FBXL17: variants seen among roughly 807,000 people sequenced by gnomAD.
FBXL17 encodes the protein F-box and leucine rich repeat protein 17, also known as F-box/LRR-repeat protein 17.
In FBXL17, 22 loss-of-function variants were observed where a neutral mutation model predicts 66.2. The observed-to-expected ratio is 0.33, with a 90% CI of 0.24 to 0.47. The LOEUF (loss-of-function observed/expected upper bound fraction) is 0.47, where lower values mean the gene tolerates loss of function less well. Ranked by LOEUF, FBXL17 falls within the 20% of genes least tolerant of loss-of-function variation. The pLI is 1.00. For missense variants in FBXL17, 878 were observed against 948.2 expected, an observed-to-expected ratio of 0.93 and a Z score of 0.97; for synonymous variants, 474 against 400.5, an observed-to-expected ratio of 1.18 and a Z score of -2.19.
At chr5:107,931,581 T>C (rs993235408) in intron 7 of FBXL17, among the ~76,000 whole-genome samples, 5 of 152,078 alleles carry the variant, frequency 3.3e-5, no homozygotes, top group African/African-American at 1.2e-4. Flanking sequence ...GAGTGATTTA[T>C]ACAGGTATCT....
intron 4 of FBXL17, among the ~76,000 whole-genome samples, chr5:108,239,881 T>C (rs994316501): frequency 6.6e-6 from 1 of 151,720 alleles, no homozygotes; most frequent in Non-Finnish European, 1.5e-5. Flanking sequence ...CCCAGTGAGG[T>C]AGAGCAGCAG....
At chr5:108,313,443 T>C (rs1412472518) in intron 4 of FBXL17, among the ~76,000 whole-genome samples, 1 of 152,078 alleles carries the variant, frequency 6.6e-6, no homozygotes, top group Non-Finnish European at 1.5e-5. Context: ...AGTCCACCAC[T>C]GTGTTGGTGA....
intron 4 of FBXL17, among the ~76,000 whole-genome samples, chr5:108,262,061 T>G (rs1756846264): frequency 1.5e-5 from 2 of 134,858 alleles, no homozygotes; most frequent in South Asian, 4.6e-4. Context: ...ATATTTTATT[T>G]ATTTATTTAT....
chr5:108,153,207 G>A (rs1383626019), intron 6 of FBXL17, among the ~76,000 whole-genome samples: 10 of 152,160 alleles, frequency 6.6e-5, no homozygotes, highest in African/African-American at 2.4e-4. Context: ...TTTATTAGCA[G>A]TGTGAGAACA....
intron 7 of FBXL17, among the ~76,000 whole-genome samples, chr5:107,924,060 G>GTT (rs34494908): frequency 4.6e-4 from 49 of 107,550 alleles, no homozygotes; most frequent in African/African-American, 1.2e-3. Flanking sequence ...TGAGCTTAGT[G>GTT]TTTTTTTTTT....
intron 4 of FBXL17, among the ~76,000 whole-genome samples, chr5:108,245,314 T>G (rs1756044353): frequency 6.6e-6 from 1 of 151,988 alleles, no homozygotes; most frequent in East Asian, 1.9e-4. Context: ...GAATAAAATC[T>G]AACCAAGGTA....
At chr5:108,104,195 C>G (rs771705806) in intron 6 of FBXL17, among the ~76,000 whole-genome samples, 1 of 152,108 alleles carries the variant, frequency 6.6e-6, no homozygotes, top group Non-Finnish European at 1.5e-5. Context: ...GCACCCACGC[C>G]TGGATAATTT....
chr5:108,170,311 G>A (rs949887178), intron 6 of FBXL17, among the ~76,000 whole-genome samples: 1 of 152,056 alleles, frequency 6.6e-6, no homozygotes, highest in African/African-American at 2.4e-5. Flanking sequence ...AAAATCTGAG[G>A]CAGGTCTGAT....
Position 107,861,780 on chromosome 5 carries a change from C to A in FBXL17, c.2046G>T (p.Arg682Ser). 6.3e-7 allele frequency: 1 copy of A among 1,587,310 alleles called. No homozygotes were observed. Among genetic ancestry groups the A allele is most frequent in the Non-Finnish European group, 8.6e-7 (1 of 1,164,532 alleles). Residue 682 changes from arginine (R) to serine (S), a missense_variant, in exon 9 of 9, where the codon AGG becomes AGT. By Grantham distance (110) the Arg-to-Ser change is moderately radical. This residue lies in a region of FBXL17 where 31 missense variants were observed against 27.0 expected (regional missense o/e 1.15). Coordinates refer to ENST00000542267, the MANE Select transcript of FBXL17 (RefSeq NM_001163315.3). The stretch of plus-strand genomic sequence containing the variant: ...CCATCTGATAGGCTCTCTCCAAGGT[C>A]CTCTTGCAGTCCTGCAGGACGGTGC... The part of the protein sequence containing the change: ...TFSTVLQDCK[R>S]TLERAYQMGW...
chr5:108,087,997 C>G (rs529981776), intron 6 of FBXL17, among the ~76,000 whole-genome samples: 3 of 151,776 alleles, frequency 2.0e-5, no homozygotes, highest in Admixed American at 6.6e-5. Context: ...TATTATTGCC[C>G]GTTTTTATTA....
At chr5:108,172,512 T>C (rs1752645314) in intron 6 of FBXL17, among the ~76,000 whole-genome samples, 1 of 152,132 alleles carries the variant, frequency 6.6e-6, no homozygotes, top group Admixed American at 6.5e-5. Context: ...AATAGAGAAA[T>C]TTTTATAGTA....
chr5:108,069,849 G>A (rs977756968), intron 6 of FBXL17, among the ~76,000 whole-genome samples: 4 of 152,080 alleles, frequency 2.6e-5, no homozygotes, highest in African/African-American at 9.7e-5. Context: ...TGCTGATAAC[G>A]GATTTTTTTT....
chr5:108,057,966 T>C (rs1185246899), intron 6 of FBXL17, among the ~76,000 whole-genome samples: 2 of 152,208 alleles, frequency 1.3e-5, no homozygotes, highest in African/African-American at 4.8e-5. Context: ...AATGAAGGAA[T>C]TGAGTTAGAG....
intron 4 of FBXL17, among the ~76,000 whole-genome samples, chr5:108,307,709 T>G (rs1237819460): frequency 6.6e-6 from 1 of 152,150 alleles, no homozygotes; most frequent in Non-Finnish European, 1.5e-5. Flanking sequence ...TTTGCTGCTA[T>G]GAATGACAGG....
At chr5:107,902,245 T>A (rs969310528) in intron 7 of FBXL17, among the ~76,000 whole-genome samples, 4 of 152,142 alleles carry the variant, frequency 2.6e-5, no homozygotes, top group African/African-American at 9.7e-5. Context: ...GCTGGATACT[T>A]TGAGAAATCA....
At position 108,135,943 on chromosome 5, in the gene FBXL17, C is replaced by T. The variant is rs560432503; in HGVS notation, c.1745+50174G>A. ...ACTATCCAGACGTCAAGGCCTCCAACATAGTTTTTTATGGGCCATGGCAAG... is the reference window on the plus strand; with the variant it reads ...ACTATCCAGACGTCAAGGCCTCCAATATAGTTTTTTATGGGCCATGGCAAG... On this transcript the variant is annotated intron_variant, in intron 6 of 8. Coordinates refer to ENST00000542267, the MANE Select transcript of FBXL17 (RefSeq NM_001163315.3). Among the ~76,000 whole-genome samples the T allele has an allele frequency of 7.2e-5, 11 of 152,172 alleles. No homozygotes were observed. The South Asian group carries it at 2.3e-3, about 32-fold the overall frequency.
intron 4 of FBXL17, among the ~76,000 whole-genome samples, chr5:108,288,592 T>C (rs1178962068): frequency 2.6e-5 from 4 of 151,928 alleles, no homozygotes. Context: ...ATAAATATAT[T>C]GGAAGGATGG....
intron 7 of FBXL17, among the ~76,000 whole-genome samples, chr5:107,944,044 C>G (rs564803354): frequency 6.6e-6 from 1 of 152,224 alleles, no homozygotes; most frequent in South Asian, 2.1e-4. Flanking sequence ...TTTTGTATAC[C>G]ATGCCCTTGA....
chr5:108,150,230 A>T (rs933742235), intron 6 of FBXL17, among the ~76,000 whole-genome samples: 3 of 152,052 alleles, frequency 2.0e-5, no homozygotes, highest in Admixed American at 2.0e-4. Context: ...ACTTTGATAC[A>T]ATCTTTTTTT....
Sources: allele counts gnomAD v4.1 joint callset (sites outside exome capture counted in the v4.1 genomes callset), GRCh38; gene constraint gnomAD v4.1.1; regional missense constraint gnomAD v4.1.1; transcripts MANE v1.5; gene names NCBI Gene and HGNC (gene_info 2026-07-23, HGNC 2026-07-21).